Variants in LRRC31 observed in about 807,000 individuals in gnomAD.
The protein encoded by LRRC31 is leucine rich repeat containing 31, also known as leucine-rich repeat-containing protein 31.
A neutral mutation model predicts 46.7 loss-of-function variants in LRRC31; 35 were observed. The ratio of observed to expected loss-of-function variants is 0.75; its 90% confidence interval spans 0.57 to 0.99. The LOEUF is 0.99. Ranked by LOEUF, LRRC31 falls within the 50% of genes least tolerant of loss-of-function variation. The pLI is 0.00. For missense variants in LRRC31, 613 were observed against 626.1 expected (o/e 0.98, Z 0.22); for synonymous variants, 236 against 235.1 (o/e 1.00, Z -0.03).
chr3:169,869,833 A>C lies in LRRC31; in HGVS notation c.-26T>G, dbSNP rs1343921806. On this transcript the variant is annotated 5_prime_UTR_variant, in exon 1 of 9. It adds an upstream start codon to the 5' untranslated region. Transcript: ENST00000316428. ...GGTGAAGTTGATGGGGGTAGTTCCC[A>C]ATAAGACATCTTCCTGTTGCTTTCT... 1.3e-6 allele frequency: 2 copies of C among 1,573,802 alleles called. No homozygotes were observed. The highest frequency in any genetic ancestry group is 2.7e-5 in the African/African-American group (2 of 73,164).
At chr3:169,848,439 C>T (rs1780667815) in intron 7 of LRRC31, 152 bp from the exon 8 acceptor site, 1 of 651,774 alleles carries the variant, frequency 1.5e-6, no homozygotes, top group Non-Finnish European at 2.5e-6. Context: ...AAATTTATGG[C>T]CTCAATTTAT....
intron 1 of LRRC31, among the ~76,000 whole-genome samples, chr3:169,865,433 C>G (rs764034338): frequency 2.0e-5 from 3 of 147,518 alleles, no homozygotes; most frequent in Admixed American, 6.8e-5. Flanking sequence ...AGGCCTTTTC[C>G]TAGCTGTGTT....
At position 169,849,551 on chromosome 3, in the gene LRRC31, C is replaced by T. The variant is rs76455958; in HGVS notation, c.1160-1264G>A. Among the ~76,000 whole-genome samples the T allele has an allele frequency of 6.6e-3, 1,010 of 152,184 alleles. 13 individuals are homozygous for T. The highest frequency in any genetic ancestry group is 0.023 in the African/African-American group (945 of 41,524). ...GGTGTGGTGGCATGTTCCTATAGAC[C>T]CAGAAGCTACTGAGGAGGCTGAGAT... On this transcript the variant is annotated intron_variant, in intron 7 of 8. Transcript: ENST00000316428.
Position 169,856,885 on chromosome 3 carries a change from G to T in LRRC31, c.488-13C>A. On this transcript the variant is annotated splice_polypyrimidine_tract_variant and intron_variant, in intron 3 of 8. Transcript: ENST00000316428. Reference sequence around the variant, plus strand: ...TCAAATGCTTCTCCTGTTAACAAATGGCCCGAAAATTCTGTTGGTCACTAG... The same window carrying T: ...TCAAATGCTTCTCCTGTTAACAAATTGCCCGAAAATTCTGTTGGTCACTAG... The T allele has an allele frequency of 1.7e-5, 27 of 1,592,378 alleles. No homozygotes were observed. Among genetic ancestry groups the T allele is most frequent in the Non-Finnish European group, 2.3e-5 (27 of 1,168,706 alleles).
Position 169,869,613 on chromosome 3 carries a change from AC to A in LRRC31, c.175+19del. The A allele has an allele frequency of 6.4e-7, 1 of 1,553,424 alleles. No individual in the cohort carries two copies. Among genetic ancestry groups the A allele is most frequent in the South Asian group, 1.3e-5 (1 of 77,430 alleles). ...ACAAAACAAATACAACAGCAAAAAC[AC>A]CAGCAGCCAGCAGCTTACCAGTCTC... On this transcript the variant is annotated intron_variant, in intron 1 of 8. Coordinates refer to ENST00000316428, the MANE Select transcript of LRRC31 (RefSeq NM_024727.4).
intron 8 of LRRC31, among the ~76,000 whole-genome samples, chr3:169,847,288 T>C (rs12493969): frequency 0.29 from 44,084 of 152,180 alleles, 6,843 homozygotes; most frequent in East Asian, 0.62. Context: ...CAGGTTCAAG[T>C]GATTCTCCTG....
chr3:169,845,155 C>T (rs1191079133), intron 8 of LRRC31, among the ~76,000 whole-genome samples: 1 of 151,902 alleles, frequency 6.6e-6, no homozygotes, highest in Non-Finnish European at 1.5e-5. Context: ...AAATTAAACA[C>T]TCAGATATAA....
At chr3:169,861,858 T>C (rs745665615) in intron 1 of LRRC31, 45 bp from the exon 2 acceptor site, 3 of 1,581,244 alleles carry the variant, frequency 1.9e-6, no homozygotes, top group East Asian at 2.2e-5. Flanking sequence ...ATGATGGATG[T>C]ATTAAAGATG....
chr3:169,852,307 A>G (rs914167078), intron 6 of LRRC31, among the ~76,000 whole-genome samples: 7 of 150,436 alleles, frequency 4.7e-5, no homozygotes, highest in Non-Finnish European at 7.4e-5. Flanking sequence ...GGAGGCTGAG[A>G]CAGGAGAATG....
At chr3:169,860,798 G>T in intron 2 of LRRC31, 70 bp from the exon 3 acceptor site, 1 of 1,447,600 alleles carries the variant, frequency 6.9e-7, no homozygotes, top group Non-Finnish European at 9.6e-7. Flanking sequence ...AAAATGCAAT[G>T]CTTACATACA....
Position 169,840,038 on chromosome 3 carries a change from A to G in LRRC31, c.1603T>C (p.Cys535Arg). 1 of 1,614,040 alleles carries G rather than the reference A, an allele frequency of 6.2e-7. No individual in the cohort carries two copies. Among genetic ancestry groups the G allele is most frequent in the South Asian group, 1.1e-5 (1 of 91,068 alleles). The change falls in exon 9 of 9, where the codon TGC becomes CGC. Residue 535 changes from cysteine (C) to arginine (R), a missense_variant. Cys to Arg is a radical substitution (Grantham distance 180). Transcript: ENST00000316428. ...CTTCTTTTTTTATCTTGGTCAAAGCATTCTAGTTCTTCCTCCTGTGAAGCT... is the reference window on the plus strand; with the variant it reads ...CTTCTTTTTTTATCTTGGTCAAAGCGTTCTAGTTCTTCCTCCTGTGAAGCT... The part of the protein sequence containing the change: ...LPASQEEELE[C>R]FDQDKKRSIH...
intron 8 of LRRC31, among the ~76,000 whole-genome samples, chr3:169,846,200 T>C (rs1410459556): frequency 6.6e-6 from 1 of 152,234 alleles, no homozygotes; most frequent in Admixed American, 6.5e-5. Flanking sequence ...GCTATAACAC[T>C]TGTTTTGAAA....
chr3:169,867,246 CTTTTTT>C (rs757102934), intron 1 of LRRC31, among the ~76,000 whole-genome samples: 1 of 78,774 alleles, frequency 1.3e-5, no homozygotes, highest in Non-Finnish European at 2.2e-5. Context: ...GAGATGGAGT[CTTTTTT>C]TTTTTTTTTT....
intron 8 of LRRC31, among the ~76,000 whole-genome samples, chr3:169,846,970 T>C (rs1227276731): frequency 1.3e-5 from 2 of 152,154 alleles, no homozygotes; most frequent in African/African-American, 2.4e-5. Context: ...TGCCGTGTCA[T>C]AGCAAAACTG....
chr3:169,848,362 T>G, intron 7 of LRRC31, 75 bp from the exon 8 acceptor site: 3 of 1,405,842 alleles, frequency 2.1e-6, no homozygotes, highest in Non-Finnish European at 3.0e-6. Flanking sequence ...TTGAGGAAAC[T>G]GGTCTAGGAC....
intron 8 of LRRC31, among the ~76,000 whole-genome samples, chr3:169,843,232 A>G (rs1431853657): frequency 6.6e-6 from 1 of 152,212 alleles, no homozygotes; most frequent in African/African-American, 2.4e-5. Context: ...CTTGAAAATG[A>G]GGGGCCATGT....
chr3:169,849,972 C>G (rs1560624649), intron 7 of LRRC31, among the ~76,000 whole-genome samples: 1 of 152,118 alleles, frequency 6.6e-6, no homozygotes, highest in East Asian at 1.9e-4. Context: ...AGGCCTGCTA[C>G]GTTAACTCTT....
chr3:169,851,912 C>T (rs1780787157), intron 6 of LRRC31, 126 bp from the exon 7 acceptor site: 2 of 869,440 alleles, frequency 2.3e-6, no homozygotes, highest in Non-Finnish European at 3.6e-6. Context: ...GCCCTCCCTC[C>T]TTTATACACC....
chr3:169,864,586 T>A (rs1484193230), intron 1 of LRRC31, among the ~76,000 whole-genome samples: 1 of 152,248 alleles, frequency 6.6e-6, no homozygotes, highest in Non-Finnish European at 1.5e-5. Context: ...CAGGGCCTTT[T>A]ACCTGAGAGG....
Sources: allele counts gnomAD v4.1 joint callset (sites outside exome capture counted in the v4.1 genomes callset), GRCh38; gene constraint gnomAD v4.1.1; transcripts MANE v1.5; gene names NCBI Gene and HGNC (gene_info 2026-07-23, HGNC 2026-07-21).